The following PDE11A variants were observed in gnomAD, a reference collection of about 807,000 sequenced individuals.
PDE11A encodes the protein dual 3',5'-cyclic-AMP and -GMP phosphodiesterase 11A.
In PDE11A, 100 loss-of-function variants were observed where a neutral mutation model predicts 100.5. The observed-to-expected ratio is 1.00, with a 90% CI of 0.85 to 1.18. The LOEUF (loss-of-function observed/expected upper bound fraction) is 1.18. PDE11A is among the 50% of genes most tolerant of loss of function. The pLI is 0.00. For missense variants in PDE11A, 1,141 were observed against 1,152.6 expected, an observed-to-expected ratio of 0.99 and a Z score of 0.15; for synonymous variants, 381 against 420.8, an observed-to-expected ratio of 0.91 and a Z score of 1.16.
At chr2:177,630,440 T>C (rs903504845) in intron 19 of PDE11A, among the ~76,000 whole-genome samples, 4 of 152,138 alleles carry the variant, frequency 2.6e-5, no homozygotes, top group Admixed American at 2.0e-4. Flanking sequence ...AATGAGTCCA[T>C]CTTCAGCTTT....
At chr2:178,079,047 A>T (rs1004293603) in intron 2 of PDE11A, among the ~76,000 whole-genome samples, 2 of 152,258 alleles carry the variant, frequency 1.3e-5, no homozygotes, top group African/African-American at 4.8e-5. Flanking sequence ...TTTATATTCA[A>T]TAGCAATCCA....
chr2:178,071,386 T>A, intron 1 of PDE11A, 140 bp downstream of exon 1: 2 of 989,742 alleles, frequency 2.0e-6, no homozygotes, highest in South Asian at 3.0e-5. Context: ...TTCTAACTAG[T>A]CTAAACTCGG....
At chr2:178,026,553 C>A (rs1165630970) in intron 1 of PDE11A, among the ~76,000 whole-genome samples, 1 of 151,364 alleles carries the variant, frequency 6.6e-6, no homozygotes, top group Non-Finnish European at 1.5e-5. Flanking sequence ...TCCAGCTACT[C>A]AGGAGGCTGA....
At chr2:177,875,978 A>C (rs940241809) in intron 4 of PDE11A, 55 bp from the exon 5 acceptor site, 2 of 973,954 alleles carry the variant, frequency 2.1e-6, no homozygotes, top group African/African-American at 3.2e-5. Context: ...TTGCCGTTTA[A>C]AATAATGTAA....
At chr2:177,743,532 G>C (rs2081905682) in intron 10 of PDE11A, among the ~76,000 whole-genome samples, 2 of 152,224 alleles carry the variant, frequency 1.3e-5, no homozygotes, top group Non-Finnish European at 2.9e-5. Flanking sequence ...GTACAGGGTA[G>C]AGATGTCAGG....
intron 10 of PDE11A, among the ~76,000 whole-genome samples, chr2:177,732,767 A>G (rs1469164221): frequency 1.3e-5 from 2 of 152,142 alleles, no homozygotes; most frequent in Non-Finnish European, 2.9e-5. Context: ...TTTTTCCCCT[A>G]ATAGGTTGAT....
intron 2 of PDE11A, chr2:178,093,089 G>A (rs1241459976): frequency 6.6e-6 from 1 of 152,144 alleles, no homozygotes; most frequent in African/African-American, 2.4e-5. Context: ...TTTTAACTGA[G>A]ACTTATAGAT....
chr2:177,949,686 G>A (rs1198258699), intron 2 of PDE11A, among the ~76,000 whole-genome samples: 1 of 152,196 alleles, frequency 6.6e-6, no homozygotes. Context: ...CAATGATCCT[G>A]TATCTGTAAT....
At chr2:178,073,950 C>T (rs2087171219), upstream of PDE11A, among the ~76,000 whole-genome samples, 2 of 150,982 alleles carry the variant, frequency 1.3e-5, no homozygotes, top group Admixed American at 6.6e-5. Context: ...TAAACATTTA[C>T]GGATATGCAG....
chr2:177,961,488 T>G (rs1341033541), intron 2 of PDE11A, among the ~76,000 whole-genome samples: 3 of 152,230 alleles, frequency 2.0e-5, no homozygotes. Flanking sequence ...TTCACTATTT[T>G]TTCCCATATT....
intron 1 of PDE11A, among the ~76,000 whole-genome samples, chr2:178,070,582 T>C (rs1335073813): frequency 2.6e-5 from 4 of 152,154 alleles, no homozygotes; most frequent in African/African-American, 9.7e-5. Context: ...TAACATCAAG[T>C]CTCATCATAT....
intron 13 of PDE11A, among the ~76,000 whole-genome samples, chr2:177,703,069 T>C (rs1380860965): frequency 6.6e-6 from 1 of 152,180 alleles, no homozygotes; most frequent in African/African-American, 2.4e-5. Context: ...TCCTAGAGCC[T>C]GGCATAGAGT....
chr2:177,764,727 C>T (rs1274753776), intron 10 of PDE11A, among the ~76,000 whole-genome samples: 1 of 152,144 alleles, frequency 6.6e-6, no homozygotes, highest in African/African-American at 2.4e-5. Flanking sequence ...ATATAACTTT[C>T]TTATTTCAAG....
upstream of PDE11A, among the ~76,000 whole-genome samples, chr2:178,076,341 T>C (rs531908751): frequency 6.6e-5 from 10 of 152,376 alleles, no homozygotes; most frequent in East Asian, 1.9e-3. Context: ...CCAATCAGCA[T>C]TTATTGAGTA....
intron 2 of PDE11A, among the ~76,000 whole-genome samples, chr2:178,079,536 T>C (rs970434369): frequency 1.3e-5 from 2 of 152,202 alleles, no homozygotes; most frequent in African/African-American, 2.4e-5. Flanking sequence ...ATCCAGTCTA[T>C]CATTGATAGG....
intron 1 of PDE11A, among the ~76,000 whole-genome samples, chr2:178,069,320 G>A (rs139168830): frequency 2.8e-4 from 42 of 151,884 alleles, no homozygotes; most frequent in Non-Finnish European, 4.9e-4. Flanking sequence ...TGACTGTAGC[G>A]TCCCATAATA....
rs373487547 is a variant in PDE11A, at chr2:177,728,091, T to A, written c.1870A>T (p.Ile624Phe). The A allele has an allele frequency of 3.7e-6, 6 of 1,612,656 alleles. No individual in the cohort carries two copies. The highest frequency in any genetic ancestry group is 4.2e-6 in the Non-Finnish European group (5 of 1,178,918). Residue 624 changes from isoleucine to phenylalanine, a missense_variant, in exon 11 of 20, where the codon ATC (isoleucine) becomes TTC (phenylalanine). Coordinates refer to ENST00000286063, the MANE Select transcript of PDE11A (RefSeq NM_016953.4). ...ATGAACATCCGGAGAGCAGCTGTGA[T>A]CATGGCATCAACGTCGAGAGAAAAG... is the stretch of plus-strand genomic sequence containing the variant. ...DDFSLDVDAM[I>F]TAALRMFMEL...
chr2:177,677,231 T>C (rs552315553), intron 16 of PDE11A, among the ~76,000 whole-genome samples: 5 of 152,342 alleles, frequency 3.3e-5, no homozygotes, highest in African/African-American at 4.8e-5. Context: ...CTACCACTTA[T>C]TGGGAAGTCT....
At chr2:177,875,986 T>C (rs2084234729) in intron 4 of PDE11A, 63 bp from the exon 5 acceptor site, 2 of 927,030 alleles carry the variant, frequency 2.2e-6, no homozygotes, top group African/African-American at 3.3e-5. Flanking sequence ...TAAAATAATG[T>C]AATAAACATT....
Sources: gnomAD v4.1 joint callset for allele counts (sites outside exome capture counted in the v4.1 genomes callset) on GRCh38, gnomAD v4.1.1 for gene constraint, MANE v1.5 for transcripts, NCBI Gene and HGNC (gene_info 2026-07-23, HGNC 2026-07-21) for gene names.